LRCH2: variants seen among roughly 807,000 people sequenced by gnomAD.
LRCH2 encodes the protein leucine-rich repeat and calponin homology domain-containing protein 2.
Under a neutral mutation model 68.9 loss-of-function variants are expected in LRCH2, and 38 were observed. The ratio of observed to expected loss-of-function variants is 0.55; its 90% CI spans 0.43 to 0.72. LRCH2 has a LOEUF of 0.72. LRCH2 is among the 30% of genes least tolerant of loss of function. The pLI, the probability that LRCH2 is intolerant of heterozygous loss-of-function variation, is 0.00. For synonymous variants in LRCH2, 191 were observed against 208.1 expected (o/e 0.92, Z 0.71); for missense variants, 528 against 572.9 (o/e 0.92, Z 0.80).
chrX:115,134,281 C>T (rs1318910804), intron 14 of LRCH2, among the ~76,000 whole-genome samples: 3 of 112,408 alleles, frequency 2.7e-5, no homozygotes, highest in African/African-American at 9.7e-5. Flanking sequence ...AAGTGCAAGG[C>T]GAAGTAGCAA....
At chrX:115,218,130 C>T (rs1556572232) in intron 1 of LRCH2, among the ~76,000 whole-genome samples, 1 of 110,968 alleles carries the variant, frequency 9.0e-6, no homozygotes, top group African/African-American at 3.3e-5. Context: ...GAGGGAGCCC[C>T]CGTCTCAAAG....
intron 14 of LRCH2, among the ~76,000 whole-genome samples, chrX:115,133,261 A>G (rs187329783): frequency 8.9e-6 from 1 of 112,204 alleles, no homozygotes; most frequent in South Asian, 3.7e-4. Context: ...GCTACTGAAA[A>G]TGAAGACCGC....
At chrX:115,207,739 T>TG (rs1260667308) in intron 1 of LRCH2, among the ~76,000 whole-genome samples, 2 of 111,733 alleles carry the variant, frequency 1.8e-5, no homozygotes, top group Non-Finnish European at 3.8e-5. Context: ...GGCTGAATGG[T>TG]GGCCCTCAAA....
chrX:115,190,006 G>C (rs2072773713), intron 1 of LRCH2: 1 of 1,161,577 alleles, frequency 8.6e-7, no homozygotes, highest in South Asian at 1.9e-5. Flanking sequence ...GTCGGGGCAA[G>C]ATGGCTACTC....
intron 1 of LRCH2, among the ~76,000 whole-genome samples, chrX:115,188,968 A>T (rs2072755806): frequency 8.9e-6 from 1 of 111,984 alleles, no homozygotes; most frequent in African/African-American, 3.3e-5. Flanking sequence ...TTAAAAGCAA[A>T]CACAAAAATA....
At chrX:115,208,847 A>T (rs1386868194) in intron 1 of LRCH2, among the ~76,000 whole-genome samples, 2 of 111,981 alleles carry the variant, frequency 1.8e-5, no homozygotes, top group Non-Finnish European at 3.8e-5. Flanking sequence ...AATCCTAGGT[A>T]ATATTTGAAA....
At chrX:115,190,368 C>A (rs1556557089) in intron 1 of LRCH2, 1 of 1,160,704 alleles carries the variant, frequency 8.6e-7, no homozygotes, top group African/African-American at 1.8e-5. Flanking sequence ...GCTACGGAGG[C>A]CCATGCGGCG....
Position 115,162,878 on chromosome X carries a change from C to CA in LRCH2, c.1463+797dup, listed in dbSNP as rs1327200389. Among the ~76,000 whole-genome samples, 25 of 107,420 alleles carry CA rather than the reference C, an allele frequency of 2.3e-4. No homozygotes were observed. In the East Asian group the frequency reaches 5.8e-3, roughly 25 times the overall value. 93.3% of individuals were successfully genotyped at this position (107,420 alleles called of 115,157 possible). On this transcript the variant is annotated intron_variant, in intron 11 of 20. Coordinates refer to ENST00000317135, the MANE Select transcript of LRCH2 (RefSeq NM_020871.4). The stretch of plus-strand genomic sequence containing the variant: ...CCAAAATTATTCTCTTTTCTCAAAG[C>CA]AAAAAAAAACCATTCAGATCTTTAT...
Position 115,165,833 on chromosome X carries a change from T to C in LRCH2, c.1198+8A>G. 1.8e-6 allele frequency: 2 copies of C among 1,122,624 alleles called. No homozygotes were observed. The highest frequency in any genetic ancestry group is 2.4e-6 in the Non-Finnish European group (2 of 836,585). The allele number at this position is 1,122,624 out of a possible 1,213,427, so 92.5% of individuals were successfully genotyped here. A position where few individuals can be genotyped will look rare whatever the true frequency, so the allele number is the denominator to read the frequency against. Reference sequence around the variant, plus strand: ...TGAAACAAAAATAGCAGGTACCATATGAATTACCTTTCTGAGAATCAGTCT... The same window carrying C: ...TGAAACAAAAATAGCAGGTACCATACGAATTACCTTTCTGAGAATCAGTCT... On this transcript the variant is annotated splice_region_variant and intron_variant, in intron 8 of 20. Coordinates refer to ENST00000317135, the MANE Select transcript of LRCH2 (RefSeq NM_020871.4).
At chrX:115,157,255 A>C (rs1184955145) in intron 11 of LRCH2, among the ~76,000 whole-genome samples, 1 of 110,811 alleles carries the variant, frequency 9.0e-6, no homozygotes, top group African/African-American at 3.3e-5. Context: ...AAAAGTAATG[A>C]ATTACTGTCC....
rs1556556314 is a variant in LRCH2 at position 115,189,719 on chromosome X, G to T, written c.350-1349C>A. ...ATCAAACCGGCATTCAAGAGCAGCC[G>T]ATGGGTCCCGCCAACCCCCGGCAGC... On this transcript the variant is annotated intron_variant, in intron 1 of 20. Transcript: ENST00000317135. The T allele has an allele frequency of 1.5e-5, 17 of 1,166,265 alleles. No individual in the cohort carries two copies.
At chrX:115,138,663 G>A (rs1363921936) in intron 14 of LRCH2, among the ~76,000 whole-genome samples, 1 of 111,531 alleles carries the variant, frequency 9.0e-6, no homozygotes, top group Non-Finnish European at 1.9e-5. Flanking sequence ...AATACAAGAT[G>A]ATATACTTAA....
intron 1 of LRCH2, among the ~76,000 whole-genome samples, chrX:115,195,001 G>A (rs1281558008): frequency 1.8e-5 from 2 of 111,400 alleles, no homozygotes; most frequent in East Asian, 5.6e-4. Context: ...ATTGAAAGTT[G>A]TGGCCAGGCA....
At chrX:115,143,413 C>T (rs1556534984) in intron 14 of LRCH2, among the ~76,000 whole-genome samples, 1 of 111,107 alleles carries the variant, frequency 9.0e-6, no homozygotes, top group African/African-American at 3.3e-5. Context: ...CACATAAAAC[C>T]TACCAAAATT....
intron 5 of LRCH2, among the ~76,000 whole-genome samples, chrX:115,173,242 T>C (rs782337952): frequency 2.7e-5 from 3 of 112,063 alleles, no homozygotes; most frequent in African/African-American, 9.7e-5. Flanking sequence ...CTGACACAGA[T>C]ACTTTGCCTG....
intron 20 of LRCH2, among the ~76,000 whole-genome samples, chrX:115,120,938 G>C (rs1287409676): frequency 3.9e-5 from 4 of 101,343 alleles, no homozygotes; most frequent in African/African-American, 1.4e-4. Context: ...ACCAAACACC[G>C]CATATTCTCA....
intron 2 of LRCH2, among the ~76,000 whole-genome samples, chrX:115,187,192 C>G (rs1400080605): frequency 9.0e-6 from 1 of 111,557 alleles, no homozygotes; most frequent in Non-Finnish European, 1.9e-5. Flanking sequence ...GGTAACACCA[C>G]TGGGGGAGTC....
At chrX:115,113,953 T>G (rs935393067) in intron 20 of LRCH2, among the ~76,000 whole-genome samples, 7 of 110,874 alleles carry the variant, frequency 6.3e-5, no homozygotes, top group East Asian at 2.8e-4. Context: ...CACTATACCC[T>G]CTCTTTTGGT....
rs186136686 is a variant in LRCH2, at chrX:115,191,799, G to A, written c.350-3429C>T. 4.7e-4 allele frequency: 539 copies of A among 1,148,823 alleles called. No homozygotes were observed. In the African/African-American group the frequency reaches 8.6e-3, roughly 18 times the overall value. The allele number at this position is 1,148,823 out of a possible 1,213,427, so 94.7% of individuals were successfully genotyped here. A position where few individuals can be genotyped will look rare whatever the true frequency, so the allele number is the denominator to read the frequency against. On this transcript the variant is annotated intron_variant, in intron 1 of 20. Transcript: ENST00000317135. ...GCTACGAGGAGTACCGAGGCCGCTCGCTCGATGCCAACAGCGGAGGCCGCT... is the reference window on the plus strand; with the variant it reads ...GCTACGAGGAGTACCGAGGCCGCTCACTCGATGCCAACAGCGGAGGCCGCT...
Sources: gnomAD v4.1 joint callset for allele counts (sites outside exome capture counted in the v4.1 genomes callset) on GRCh38, gnomAD v4.1.1 for gene constraint, MANE v1.5 for transcripts, NCBI Gene and HGNC (gene_info 2026-07-23, HGNC 2026-07-21) for gene names.